The following PPFIA1 variants were observed in gnomAD, a reference collection of about 807,000 sequenced individuals.
PPFIA1 encodes the protein PPFI scaffold protein A1, also known as liprin-alpha-1.
Under a neutral mutation model 149.9 loss-of-function variants are expected in PPFIA1, and 25 were observed. The ratio of observed to expected loss-of-function variants is 0.17; its 90% CI spans 0.12 to 0.23. PPFIA1 has a LOEUF of 0.23. PPFIA1 is among the 10% of genes least tolerant of loss of function. The probability of loss-of-function intolerance (pLI) is 1.00; values close to 1 mark genes in which losing one functional copy is unlikely to be tolerated. For synonymous variants in PPFIA1, 549 were observed against 552.8 expected (o/e 0.99, Z 0.10); for missense variants, 1,362 against 1,506.5 (o/e 0.90, Z 1.59).
At chr11:70,368,449 AC>A (rs1275874697) in intron 21 of PPFIA1, among the ~76,000 whole-genome samples, 1 of 152,180 alleles carries the variant, frequency 6.6e-6, no homozygotes, top group Non-Finnish European at 1.5e-5. Flanking sequence ...CTACAAAGAT[AC>A]CATAAGGTAG....
intron 2 of PPFIA1, among the ~76,000 whole-genome samples, chr11:70,287,628 CT>C (rs1225593113): frequency 1.2e-4 from 18 of 145,718 alleles, no homozygotes; most frequent in East Asian, 4.0e-4. Flanking sequence ...TACACCCGGC[CT>C]TTTTTTTTTG....
chr11:70,362,283 T>C lies in PPFIA1; in HGVS notation c.2665-5T>C, dbSNP rs562987607. On this transcript the variant is annotated splice_region_variant and splice_polypyrimidine_tract_variant and intron_variant, in intron 20 of 27. Transcript: ENST00000253925. ...TGCTGCCTTCCTTCCGCTTTCCGCC[T>C]CCAGCTCTGGGTTGGGATGCCAGCC... The C allele has an allele frequency of 6.2e-6, 10 of 1,614,066 alleles. No individual in the cohort carries two copies. The African/African-American group carries it at 1.3e-4, about 22-fold the overall frequency.
At chr11:70,347,689 G>A (rs1382193830) in intron 15 of PPFIA1, among the ~76,000 whole-genome samples, 1 of 152,174 alleles carries the variant, frequency 6.6e-6, no homozygotes, top group African/African-American at 2.4e-5. Context: ...CGGGATGACA[G>A]TGTGAGACCC....
intron 8 of PPFIA1, among the ~76,000 whole-genome samples, chr11:70,331,374 C>CA (rs934958583): frequency 1.4e-4 from 20 of 147,640 alleles, no homozygotes; most frequent in African/African-American, 3.5e-4. Context: ...TTTAAACAAA[C>CA]AAAAAAAAAG....
At chr11:70,298,400 C>G (rs933489084) in intron 2 of PPFIA1, among the ~76,000 whole-genome samples, 10 of 152,134 alleles carry the variant, frequency 6.6e-5, no homozygotes, top group Non-Finnish European at 1.2e-4. Flanking sequence ...GTTCCTGAAA[C>G]AGTTTGATGA....
In PPFIA1 at chr11:70,326,759, A is replaced by G. The variant is rs1239435375; in HGVS notation, c.871A>G (p.Arg291Gly). Residue 291 changes from arginine (R) to glycine (G), a missense_variant, in exon 7 of 28, where the codon AGA becomes GGA. By Grantham distance (125) the Arg-to-Gly change is moderately radical (BLOSUM62 -2). Around this residue, in one of 7 missense-constraint regions of PPFIA1, gnomAD observed 733 missense variants for 744.1 expected, o/e 0.99. Coordinates refer to ENST00000253925, the MANE Select transcript of PPFIA1 (RefSeq NM_003626.5). ...ACTGGAAGAGGATCTGGACACGGCT[A>G]GAAAAGATCTCATCAAATCTGAAGA... ...TELEEDLDTARKDLIKSEEMN... is the reference protein window; with the variant it reads ...TELEEDLDTAGKDLIKSEEMN... The G allele has an allele frequency of 3.4e-5, 55 of 1,614,116 alleles. No individual in the cohort carries two copies. Among genetic ancestry groups the G allele is most frequent in the Middle Eastern group, 1.6e-4 (1 of 6,082 alleles).
At chr11:70,307,842 G>T (rs2052962052) in intron 2 of PPFIA1, among the ~76,000 whole-genome samples, 1 of 152,162 alleles carries the variant, frequency 6.6e-6, no homozygotes, top group Non-Finnish European at 1.5e-5. Flanking sequence ...GGGAGGATTG[G>T]TTGAGTATGG....
rs752447425 is a variant in PPFIA1, at chr11:70,343,730, T to G, written c.1769T>G (p.Val590Gly). 5 of 1,614,134 alleles carry G rather than the reference T, an allele frequency of 3.1e-6. No individual in the cohort carries two copies. Among genetic ancestry groups the G allele is most frequent in the African/African-American group, 1.3e-5 (1 of 74,942 alleles). ...CAGCAAGCTAGTGTCTTGGCAAATG[T>G]AGCACAAGCATTCGAGAGTGATGCT... ...RAQQASVLAN[V>G]AQAFESDADV... The change falls in exon 15 of 28, where the codon GTA becomes GGA. Residue 590 changes from valine (V) to glycine (G), a missense_variant. Physicochemically the swap from Val to Gly is moderately radical, Grantham distance 109. Transcript: ENST00000253925.
At chr11:70,338,249 G>A (rs1027580202) in intron 12 of PPFIA1, 125 bp from the exon 13 acceptor site, 9 of 734,748 alleles carry the variant, frequency 1.2e-5, no homozygotes, top group Non-Finnish European at 2.1e-5. Flanking sequence ...GAATTAAAAT[G>A]TTTGGTATTT....
chr11:70,285,679 CAAA>C lies in PPFIA1; in HGVS notation c.264+13257_264+13259del, dbSNP rs111860640. On this transcript the variant is annotated intron_variant, in intron 2 of 27. Transcript: ENST00000253925. ...TGGGGGACAGAGTGAGACTCTGTCT[CAAA>C]AAAAAAAAAAAAACCTCTTAACATC... Among the ~76,000 whole-genome samples the C allele has an allele frequency of 1.2e-4, 10 of 82,428 alleles. No individual in the cohort carries two copies. In the South Asian group the frequency reaches 2.9e-3, roughly 24 times the overall value. 54.1% of individuals were successfully genotyped at this position (82,428 alleles called of 152,430 possible). A position where few individuals can be genotyped will look rare whatever the true frequency, so the allele number is the denominator to read the frequency against.
intron 25 of PPFIA1, among the ~76,000 whole-genome samples, chr11:70,376,929 C>T (rs923735796): frequency 9.2e-5 from 14 of 152,128 alleles, no homozygotes; most frequent in South Asian, 6.2e-4. Flanking sequence ...AAAAATTAGC[C>T]GGGCGTTGTG....
chr11:70,356,827 CGGG>C (rs2056385978), intron 19 of PPFIA1, among the ~76,000 whole-genome samples: 1 of 152,156 alleles, frequency 6.6e-6, no homozygotes, highest in African/African-American at 2.4e-5. Flanking sequence ...TTCCGTAGAT[CGGG>C]TAGTTTTATC....
chr11:70,297,730 C>T (rs939289341), intron 2 of PPFIA1, among the ~76,000 whole-genome samples: 2 of 152,148 alleles, frequency 1.3e-5, no homozygotes, highest in Non-Finnish European at 2.9e-5. Flanking sequence ...ACTGGTTAGC[C>T]AGGCCCTGCT....
In PPFIA1 at chr11:70,343,717, G is replaced by T; in HGVS notation, c.1756G>T (p.Val586Phe). 1.2e-6 allele frequency: 2 copies of T among 1,614,272 alleles called. No homozygotes were observed. The highest frequency in any genetic ancestry group is 2.2e-5 in the South Asian group (2 of 91,088). ...QDWERAQQASVLANVAQAFES... is the reference protein window; with the variant it reads ...QDWERAQQASFLANVAQAFES... ...TTGGGAACGTGCCCAGCAAGCTAGT[G>T]TCTTGGCAAATGTAGCACAAGCATT... The change falls in exon 15 of 28, where the codon GTC becomes TTC. Residue 586 changes from valine (V) to phenylalanine (F), a missense_variant. Physicochemically the swap from Val to Phe is conservative, Grantham distance 50 (BLOSUM62 -1). Transcript: ENST00000253925.
At chr11:70,304,498 G>A (rs1348215094) in intron 2 of PPFIA1, among the ~76,000 whole-genome samples, 1 of 152,194 alleles carries the variant, frequency 6.6e-6, no homozygotes, top group Admixed American at 6.5e-5. Context: ...ATGGGTAAAT[G>A]TAAGTAAAGT....
chr11:70,342,564 G>T (rs2055400256), intron 14 of PPFIA1, among the ~76,000 whole-genome samples: 2 of 152,204 alleles, frequency 1.3e-5, no homozygotes, highest in Non-Finnish European at 2.9e-5. Context: ...TCTCTCAGTT[G>T]CTGCTGCCCT....
At chr11:70,349,366 A>T (rs1315937569) in intron 16 of PPFIA1, among the ~76,000 whole-genome samples, 1 of 152,174 alleles carries the variant, frequency 6.6e-6, no homozygotes, top group East Asian at 1.9e-4. Flanking sequence ...ATGGTATTTC[A>T]CGCCTGTAAT....
At chr11:70,344,817 G>A (rs2055585665) in intron 15 of PPFIA1, among the ~76,000 whole-genome samples, 3 of 152,214 alleles carry the variant, frequency 2.0e-5, no homozygotes, top group Non-Finnish European at 1.5e-5. Context: ...GGTAGTGTGT[G>A]TGTGTTGACT....
chr11:70,303,315 A>T (rs1248754707), intron 2 of PPFIA1, among the ~76,000 whole-genome samples: 1 of 152,230 alleles, frequency 6.6e-6, no homozygotes, highest in Non-Finnish European at 1.5e-5. Flanking sequence ...AAGCGGTCTC[A>T]GAATGCTTAC....
Sources: gnomAD v4.1 joint callset for allele counts (sites outside exome capture counted in the v4.1 genomes callset) on GRCh38, gnomAD v4.1.1 for gene constraint, gnomAD v4.1.1 regional missense constraint, MANE v1.5 for transcripts, NCBI Gene and HGNC (gene_info 2026-07-23, HGNC 2026-07-21) for gene names.